Variants in CHODL observed in about 807,000 individuals in gnomAD.
CHODL encodes transmembrane protein MT75.
Under a neutral mutation model 34.5 loss-of-function variants are expected in CHODL, and 29 were observed. The observed-to-expected ratio is 0.84, with a 90% CI of 0.63 to 1.15. The LOEUF (loss-of-function observed/expected upper bound fraction) is 1.15, where lower values mean the gene tolerates loss of function less well. Among genes scored for constraint, CHODL ranks in the 50% most tolerant of loss-of-function variants. The probability of loss-of-function intolerance (pLI) is 0.00; values close to 1 mark genes in which losing one functional copy is unlikely to be tolerated. For missense variants in CHODL, 332 were observed against 332.5 expected (o/e 1.00, Z 0.01); for synonymous variants, 125 against 116.1 (o/e 1.08, Z -0.49).
intron 2 of CHODL, among the ~76,000 whole-genome samples, chr21:18,151,281 T>G (rs1278638298): frequency 6.6e-6 from 1 of 152,070 alleles, no homozygotes; most frequent in African/African-American, 2.4e-5. Flanking sequence ...ACTCTTTTTA[T>G]CCAGTCACGT....
At chr21:17,997,496 T>C (rs1237981270) in intron 1 of CHODL, among the ~76,000 whole-genome samples, 2 of 152,176 alleles carry the variant, frequency 1.3e-5, no homozygotes, top group Non-Finnish European at 2.9e-5. Context: ...TATATGGAGA[T>C]GGGTAGTAGA....
intron 2 of CHODL, among the ~76,000 whole-genome samples, chr21:18,214,892 A>G (rs886609747): frequency 6.6e-5 from 10 of 152,158 alleles, no homozygotes; most frequent in African/African-American, 2.4e-4. Flanking sequence ...TAGTATAGAA[A>G]TAATAAGAGT....
chr21:17,997,842 T>C (rs1032238917), intron 1 of CHODL, among the ~76,000 whole-genome samples: 1 of 152,006 alleles, frequency 6.6e-6, no homozygotes, highest in Non-Finnish European at 1.5e-5. Context: ...TTCTGGGAGA[T>C]ACAATTCAAG....
At chr21:18,004,410 A>G (rs2063940722) in intron 1 of CHODL, among the ~76,000 whole-genome samples, 2 of 152,228 alleles carry the variant, frequency 1.3e-5, no homozygotes, top group African/African-American at 4.8e-5. Flanking sequence ...ATTAATAAAG[A>G]AAGCACGTAC....
chr21:17,951,316 A>T (rs1220986017), intron 1 of CHODL, among the ~76,000 whole-genome samples: 1 of 152,216 alleles, frequency 6.6e-6, no homozygotes, highest in African/African-American at 2.4e-5. Context: ...GGTAGGTGGC[A>T]GGTATGGTTG....
At chr21:18,064,749 CCGCACACACACATGCG>C (rs1349807057) in intron 2 of CHODL, among the ~76,000 whole-genome samples, 2 of 152,040 alleles carry the variant, frequency 1.3e-5, no homozygotes, top group African/African-American at 4.8e-5. Flanking sequence ...CTCTCTCTCT[CCGCACACACACATGCG>C]CGCACACACA....
At chr21:18,040,840 A>G (rs1432508926) in intron 2 of CHODL, among the ~76,000 whole-genome samples, 2 of 151,828 alleles carry the variant, frequency 1.3e-5, no homozygotes, top group Non-Finnish European at 2.9e-5. Context: ...CTTTAATTAG[A>G]GAACATTTCA....
At chr21:18,260,976 T>C (rs1358843450) in intron 4 of CHODL, among the ~76,000 whole-genome samples, 3 of 152,154 alleles carry the variant, frequency 2.0e-5, no homozygotes, top group Non-Finnish European at 2.9e-5. Flanking sequence ...GGTAAATGTT[T>C]AGGGATTGGT....
intron 2 of CHODL, among the ~76,000 whole-genome samples, chr21:18,103,007 T>C (rs1487097097): frequency 2.0e-5 from 3 of 152,202 alleles, no homozygotes; most frequent in Non-Finnish European, 4.4e-5. Flanking sequence ...ATTTTGTCTC[T>C]AAAAATTTCA....
At chr21:18,127,114 G>A (rs1011523583) in intron 2 of CHODL, among the ~76,000 whole-genome samples, 3 of 152,052 alleles carry the variant, frequency 2.0e-5, no homozygotes, top group African/African-American at 7.2e-5. Context: ...GATACCAAGG[G>A]AACAGTTAAT....
At chr21:18,104,066 A>T (rs1463221393) in intron 2 of CHODL, among the ~76,000 whole-genome samples, 1 of 152,090 alleles carries the variant, frequency 6.6e-6, no homozygotes, top group Non-Finnish European at 1.5e-5. Context: ...TTTATTTTTC[A>T]TGTATAAGGA....
intron 1 of CHODL, among the ~76,000 whole-genome samples, chr21:17,933,353 C>CA (rs1318493418): frequency 3.3e-5 from 5 of 152,220 alleles, no homozygotes; most frequent in African/African-American, 4.8e-5. Flanking sequence ...AAACCTTGGA[C>CA]AATACCTGGC....
At chr21:18,067,684 T>C (rs1381360160) in intron 2 of CHODL, among the ~76,000 whole-genome samples, 4 of 152,240 alleles carry the variant, frequency 2.6e-5, no homozygotes, top group African/African-American at 7.2e-5. Flanking sequence ...AACCAATACT[T>C]GCCTTAGTTC....
chr21:18,090,093 A>C (rs1181174275), intron 2 of CHODL, among the ~76,000 whole-genome samples: 1 of 152,250 alleles, frequency 6.6e-6, no homozygotes, highest in East Asian at 1.9e-4. Context: ...CTATCAGTGC[A>C]TACTGACTAA....
At chr21:18,116,048 TG>T (rs1406132602) in intron 2 of CHODL, among the ~76,000 whole-genome samples, 3 of 152,206 alleles carry the variant, frequency 2.0e-5, no homozygotes, top group Admixed American at 1.3e-4. Flanking sequence ...GAGAATATTT[TG>T]TTTTTTCATC....
At chr21:18,028,231 T>A (rs929856772) in intron 2 of CHODL, among the ~76,000 whole-genome samples, 1 of 14,804 alleles carries the variant, frequency 6.8e-5, no homozygotes, top group African/African-American at 1.9e-4. Context: ...TCCCCTCCCC[T>A]CCCCTTCCCC....
In CHODL at chr21:18,256,492, C is replaced by CTT. The variant is rs200762308; in HGVS notation, c.80-5_80-4dup. On this transcript the variant is annotated splice_polypyrimidine_tract_variant and intron_variant, in intron 1 of 5. Coordinates refer to ENST00000299295, the MANE Select transcript of CHODL (RefSeq NM_024944.3). ...GTTCCGATTATCAATATATGGGCAT[C>CTT]TTTTTTTTTTTTTCAGGCCAAAAGG... 1.7e-3 allele frequency: 2,242 copies of CTT among 1,336,074 alleles called. No individual in the cohort carries two copies. The highest frequency in any genetic ancestry group is 3.6e-3 in the South Asian group (264 of 73,856). The allele number at this position is 1,336,074 out of a possible 1,614,324, so 82.8% of individuals were successfully genotyped here.
intron 1 of CHODL, 40 bp downstream of exon 1, chr21:18,245,342 A>AG: frequency 1.4e-6 from 2 of 1,465,562 alleles, no homozygotes; most frequent in Non-Finnish European, 9.0e-7. Flanking sequence ...GAGCGGGGAG[A>AG]GGGGACCACG....
chr21:18,053,644 A>G (rs2064543412), intron 2 of CHODL, among the ~76,000 whole-genome samples: 2 of 151,914 alleles, frequency 1.3e-5, no homozygotes, highest in Admixed American at 6.6e-5. Flanking sequence ...CTAGTTGTCT[A>G]TATTTATTTC....
Sources: gnomAD v4.1 joint callset for allele counts (sites outside exome capture counted in the v4.1 genomes callset) on GRCh38, gnomAD v4.1.1 for gene constraint, MANE v1.5 for transcripts, NCBI Gene and HGNC (gene_info 2026-07-23, HGNC 2026-07-21) for gene names.